GRID2: variants seen among roughly 807,000 people sequenced by gnomAD.
GRID2 encodes glutamate ionotropic receptor delta type subunit 2.
Under a neutral mutation model 114.8 loss-of-function variants are expected in GRID2, and 33 were observed. That is an observed-to-expected ratio of 0.29 (90% confidence interval 0.22 to 0.38). The LOEUF (loss-of-function observed/expected upper bound fraction) is 0.38. GRID2 is among the 10% of genes least tolerant of loss of function. The pLI, the probability that GRID2 is intolerant of heterozygous loss-of-function variation, is 1.00. For missense variants in GRID2, 1,184 were observed against 1,257.7 expected (o/e 0.94, Z 0.89); for synonymous variants, 505 against 449.9 (o/e 1.12, Z -1.55).
At chr4:92,455,033 A>C (rs1175119742) in intron 1 of GRID2, among the ~76,000 whole-genome samples, 1 of 152,304 alleles carries the variant, frequency 6.6e-6, no homozygotes, top group South Asian at 2.1e-4. Context: ...ATGTTTTACA[A>C]CTTCATGATT....
chr4:92,500,915 C>G (rs950563005), intron 1 of GRID2, among the ~76,000 whole-genome samples: 4 of 152,118 alleles, frequency 2.6e-5, no homozygotes, highest in African/African-American at 9.7e-5. Flanking sequence ...GTTACCAGAG[C>G]TCCCTTTATT....
chr4:92,513,278 C>A (rs768770127), intron 1 of GRID2, among the ~76,000 whole-genome samples: 12 of 151,870 alleles, frequency 7.9e-5, no homozygotes, highest in Non-Finnish European at 1.8e-4. Flanking sequence ...GATTCTGGCA[C>A]CTTGAAATTG....
chr4:93,357,932 C>G (rs1221290760), intron 8 of GRID2, among the ~76,000 whole-genome samples: 1 of 151,674 alleles, frequency 6.6e-6, no homozygotes, highest in Non-Finnish European at 1.5e-5. Context: ...ACTGCAGAAA[C>G]TTTGTGATAT....
At chr4:93,544,938 C>T (rs1331447541) in intron 13 of GRID2, among the ~76,000 whole-genome samples, 1 of 152,162 alleles carries the variant, frequency 6.6e-6, no homozygotes, top group African/African-American at 2.4e-5. Flanking sequence ...GTGACTGCCT[C>T]ATTCTTAAAA....
rs1226201034 is a variant in GRID2 at position 92,428,078 on chromosome 4, C to T, written c.88+123334C>T. Among the ~76,000 whole-genome samples the T allele has an allele frequency of 5.3e-5, 8 of 151,874 alleles. No homozygotes were observed. In the East Asian group the frequency reaches 5.8e-4, roughly 11 times the overall value. On this transcript the variant is annotated intron_variant, in intron 1 of 15. Transcript: ENST00000282020. ...GAGATCAAGACCATCCTGGCTAACA[C>T]GGTGAAATCCCGTCTCTACTAAAAA...
At chr4:93,169,185 A>C (rs1033758665) in intron 4 of GRID2, among the ~76,000 whole-genome samples, 79 of 126,816 alleles carry the variant, frequency 6.2e-4, no homozygotes, top group Middle Eastern at 4.3e-3. Context: ...CACACACACA[A>C]ACTTAAAATA....
rs140493113 is a variant in GRID2, at chr4:92,407,567, A to G, written c.88+102823A>G. 1.4e-3 allele frequency among the ~76,000 whole-genome samples: 206 copies of G among 152,058 alleles called. 1 individual carries two copies. The highest frequency in any genetic ancestry group is 0.01 in the Middle Eastern group (3 of 294). On this transcript the variant is annotated intron_variant, in intron 1 of 15. Transcript: ENST00000282020. ...CCCACCAAAAGTTTATAAGCATTGT[A>G]TTTTCTCCCCAGCCTCACCAACATC...
chr4:92,721,629 T>TA (rs898296115), intron 2 of GRID2, among the ~76,000 whole-genome samples: 6 of 152,140 alleles, frequency 3.9e-5, no homozygotes, highest in Admixed American at 3.9e-4. Context: ...ATTATAGCAT[T>TA]AAAAAATGCC....
intron 13 of GRID2, among the ~76,000 whole-genome samples, chr4:93,550,533 C>T (rs142096966): frequency 2.0e-3 from 307 of 152,284 alleles, no homozygotes; most frequent in African/African-American, 7.0e-3. Flanking sequence ...TTCCTTATAA[C>T]TTGCATTCAC....
rs181449751 is a variant in GRID2, at chr4:92,777,532, C to T, written c.244+187246C>T. On this transcript the variant is annotated intron_variant, in intron 2 of 15. Transcript: ENST00000282020. ...TTTAGCCTCACCTCTTGATGCATCGCTTCTTAAACGAGATGATCTGGACTG... is the reference window on the plus strand; with the variant it reads ...TTTAGCCTCACCTCTTGATGCATCGTTTCTTAAACGAGATGATCTGGACTG... Among the ~76,000 whole-genome samples the T allele has an allele frequency of 3.3e-5, 5 of 152,108 alleles. No homozygotes were observed. In the East Asian group the frequency reaches 9.7e-4, roughly 30 times the overall value.
chr4:92,931,127 G>A (rs1750199951), intron 2 of GRID2, among the ~76,000 whole-genome samples: 1 of 150,866 alleles, frequency 6.6e-6, no homozygotes, highest in Admixed American at 6.6e-5. Flanking sequence ...TTCCAAAGTT[G>A]TATTCAGAAA....
chr4:92,891,609 A>G (rs1746789840), intron 2 of GRID2, among the ~76,000 whole-genome samples: 2 of 152,132 alleles, frequency 1.3e-5, no homozygotes, highest in African/African-American at 2.4e-5. Context: ...AAAACAGCCT[A>G]TTTTCTATTT....
chr4:92,794,228 A>G (rs1739741101), intron 2 of GRID2, among the ~76,000 whole-genome samples: 1 of 151,776 alleles, frequency 6.6e-6, no homozygotes, highest in Non-Finnish European at 1.5e-5. Context: ...TGATCCTCCC[A>G]AACTGGTGAG....
chr4:93,341,327 ATT>A (rs5860327), intron 8 of GRID2, among the ~76,000 whole-genome samples: 2 of 146,998 alleles, frequency 1.4e-5, no homozygotes, highest in East Asian at 2.0e-4. Context: ...TCCTTCTACT[ATT>A]TTTTTTTTTC....
rs182380177 is a variant in GRID2, at chr4:92,554,982, T to C, written c.89-35149T>C. On this transcript the variant is annotated intron_variant, in intron 1 of 15. Transcript: ENST00000282020. ...CTATAATAAGATATTTTGCATAAGGTTAGAATGTATTACAGTTGTTTAATA... is the reference window on the plus strand; with the variant it reads ...CTATAATAAGATATTTTGCATAAGGCTAGAATGTATTACAGTTGTTTAATA... Among the ~76,000 whole-genome samples, 421 of 152,246 alleles carry C rather than the reference T, an allele frequency of 2.8e-3. 1 individual carries two copies. The highest frequency in any genetic ancestry group is 6.8e-3 in the Middle Eastern group (2 of 294).
intron 13 of GRID2, among the ~76,000 whole-genome samples, chr4:93,590,710 A>T (rs1490566645): frequency 2.0e-5 from 3 of 152,060 alleles, no homozygotes; most frequent in East Asian, 1.9e-4. Context: ...TTCCATTTGT[A>T]TGTATCCTCT....
chr4:93,062,273 A>G (rs1727873546), intron 2 of GRID2, among the ~76,000 whole-genome samples: 1 of 152,124 alleles, frequency 6.6e-6, no homozygotes, highest in South Asian at 2.1e-4. Context: ...TTTAGTGGTA[A>G]GAATTTCAGT....
At chr4:93,780,360 T>C (rs1414235236) in intron 1 of GRID2, among the ~76,000 whole-genome samples, 1 of 152,132 alleles carries the variant, frequency 6.6e-6, no homozygotes, top group Non-Finnish European at 1.5e-5. Context: ...GTCTAAAGAA[T>C]AGCGAGACGA....
intron 2 of GRID2, among the ~76,000 whole-genome samples, chr4:92,725,727 C>T (rs74448776): frequency 0.023 from 3,529 of 152,156 alleles, 152 homozygotes; most frequent in African/African-American, 0.081. Flanking sequence ...ATCTTCTGAA[C>T]AAAGTGAGTT....
Sources: allele counts gnomAD v4.1 joint callset (sites outside exome capture counted in the v4.1 genomes callset), GRCh38; gene constraint gnomAD v4.1.1; transcripts MANE v1.5; gene names NCBI Gene and HGNC (gene_info 2026-07-23, HGNC 2026-07-21).